Variants in UGT2B4 observed in about 807,000 individuals in gnomAD.
UGT2B4 encodes UDP glucuronosyltransferase family 2 member B4.
A neutral mutation model predicts 49.8 loss-of-function variants in UGT2B4; 49 were observed. The ratio of observed to expected loss-of-function variants is 0.98; its 90% CI spans 0.78 to 1.25. UGT2B4 has a LOEUF of 1.25. Ranked by LOEUF, UGT2B4 falls within the 50% of genes most tolerant of loss-of-function variation. UGT2B4 has a pLI of 0.00. For missense variants in UGT2B4, 729 were observed against 627.7 expected, an observed-to-expected ratio of 1.16 and a Z score of -1.73; for synonymous variants, 246 against 217.7, an observed-to-expected ratio of 1.13 and a Z score of -1.14.
intron 1 of UGT2B4, among the ~76,000 whole-genome samples, chr4:69,505,948 G>T (rs1412156248): frequency 2.0e-5 from 3 of 151,716 alleles, no homozygotes; most frequent in African/African-American, 7.2e-5. Flanking sequence ...CGACTTTTGG[G>T]CAAATAATGA....
intron 3 of UGT2B4, 95 bp downstream of exon 3, chr4:69,489,344 A>C: frequency 6.6e-7 from 1 of 1,517,414 alleles, no homozygotes; most frequent in Non-Finnish European, 9.0e-7. Flanking sequence ...CCAACAGCTG[A>C]ATATATAGGC....
chr4:69,523,356 C>T (rs1480816502), intron 1 of UGT2B4, among the ~76,000 whole-genome samples: 1 of 152,048 alleles, frequency 6.6e-6, no homozygotes, highest in Non-Finnish European at 1.5e-5. Flanking sequence ...ATACCTTGAT[C>T]CATGGGTTGC....
intron 2 of UGT2B4, among the ~76,000 whole-genome samples, chr4:69,490,527 C>T (rs1727952562): frequency 6.6e-6 from 1 of 152,100 alleles, no homozygotes; most frequent in Admixed American, 6.6e-5. Flanking sequence ...TGAAGATGTA[C>T]TTGGCTGGAA....
chr4:69,506,663 A>G (rs975433316), intron 1 of UGT2B4, among the ~76,000 whole-genome samples: 1 of 151,450 alleles, frequency 6.6e-6, no homozygotes, highest in Non-Finnish European at 1.5e-5. Flanking sequence ...ACCTGGTATT[A>G]TTTCTACTAA....
chr4:69,500,504 G>A (rs1458772825), upstream of UGT2B4, among the ~76,000 whole-genome samples: 1 of 100,566 alleles, frequency 9.9e-6, no homozygotes, highest in African/African-American at 3.2e-5. Context: ...AAGAAAGAAA[G>A]AAGGAAGGAA....
In UGT2B4 at chr4:69,480,700, G is replaced by A. The variant is rs1269306219; in HGVS notation, c.1521C>T (p.Ile507=). 1 of 1,613,982 alleles carries A rather than the reference G, an allele frequency of 6.2e-7. No homozygotes were observed. The highest frequency in any genetic ancestry group is 8.5e-7 in the Non-Finnish European group (1 of 1,179,976). Residue 507 remains isoleucine, a synonymous_variant, in exon 6 of 6, where the codon ATC becomes ATT. Transcript: ENST00000305107. ...AGACACAAAACAGACATTTTGTGAT[G>A]ATGAATATCACAGTTGCCACACAGG... ...LLACVATVIF[I]ITKCLFCVWK...
At chr4:69,482,018 A>G (rs919045373) in intron 5 of UGT2B4, among the ~76,000 whole-genome samples, 4 of 152,174 alleles carry the variant, frequency 2.6e-5, no homozygotes, top group Non-Finnish European at 5.9e-5. Context: ...ATTATCAGAC[A>G]CTGGCAAGCT....
At chr4:69,505,753 G>C (rs1254225432) in intron 1 of UGT2B4, among the ~76,000 whole-genome samples, 1 of 152,010 alleles carries the variant, frequency 6.6e-6, no homozygotes, top group Non-Finnish European at 1.5e-5. Context: ...CCAAACAGAA[G>C]AATATACATT....
At chr4:69,497,037 T>A (rs560281326), upstream of UGT2B4, among the ~76,000 whole-genome samples, 3 of 152,286 alleles carry the variant, frequency 2.0e-5, no homozygotes, top group South Asian at 4.1e-4. Flanking sequence ...TCCTAATAGT[T>A]TTTTGGCTAT....
upstream of UGT2B4, among the ~76,000 whole-genome samples, chr4:69,500,665 G>GAAA (rs1560438445): frequency 8.6e-6 from 1 of 116,728 alleles, no homozygotes; most frequent in East Asian, 2.1e-4. Flanking sequence ...AAGAAAGAAA[G>GAAA]AAAGGAAGGA....
rs533091744 is a variant in UGT2B4 at position 69,512,900 on chromosome 4, C to T, written c.-106+12787G>A. ...ATGTCTTCTTTTGAAAGTGTATGTT[C>T]GTGTTCTTTGCCCACTTATTGCTGG... On this transcript the variant is annotated intron_variant, in intron 1 of 1. Coordinates refer to the UGT2B4 transcript ENST00000510114. 2.6e-5 allele frequency among the ~76,000 whole-genome samples: 4 copies of T among 152,020 alleles called. No homozygotes were observed. In the South Asian group the frequency reaches 8.3e-4, roughly 32 times the overall value.
chr4:69,522,438 CTCAA>C (rs568044340), intron 1 of UGT2B4, among the ~76,000 whole-genome samples: 2 of 152,198 alleles, frequency 1.3e-5, no homozygotes, highest in Non-Finnish European at 2.9e-5. Flanking sequence ...TTGCAATAAA[CTCAA>C]TCACACAAAT....
At chr4:69,500,621 GAAAGAAAGAAA>G (rs1728287275), upstream of UGT2B4, among the ~76,000 whole-genome samples, 3 of 124,104 alleles carry the variant, frequency 2.4e-5, no homozygotes, top group Non-Finnish European at 5.6e-5. Flanking sequence ...AAGAAAGAAA[GAAAGAAAGAAA>G]GAAAGAAAGA....
intron 1 of UGT2B4, among the ~76,000 whole-genome samples, chr4:69,502,433 G>A (rs759026910): frequency 1.3e-5 from 2 of 151,622 alleles, no homozygotes; most frequent in Admixed American, 1.3e-4. Flanking sequence ...GTACCTCCCT[G>A]GTACAGAGCT....
intron 2 of UGT2B4, 146 bp from the exon 3 acceptor site, chr4:69,489,716 T>A (rs1184565409): frequency 1.7e-6 from 2 of 1,147,444 alleles, no homozygotes; most frequent in Non-Finnish European, 2.4e-6. Context: ...AATTACTCAG[T>A]TTTTTTTGCA....
intron 2 of UGT2B4, 135 bp from the exon 3 acceptor site, chr4:69,489,705 C>CA (rs1399938589): frequency 2.3e-6 from 3 of 1,300,748 alleles, no homozygotes; most frequent in Middle Eastern, 2.3e-4. Context: ...TTAACTGACT[C>CA]AATTACTCAG....
intron 3 of UGT2B4, among the ~76,000 whole-genome samples, chr4:69,487,787 T>A (rs1007131403): frequency 3.3e-5 from 5 of 152,114 alleles, no homozygotes; most frequent in African/African-American, 9.6e-5. Flanking sequence ...AAAATTTTAA[T>A]AATTATATGC....
chr4:69,497,598 C>T (rs187452080), upstream of UGT2B4, among the ~76,000 whole-genome samples: 2 of 152,194 alleles, frequency 1.3e-5, no homozygotes, highest in East Asian at 1.9e-4. Context: ...AACTTGAAGA[C>T]GTAAGTAAAC....
At chr4:69,480,933 T>A (rs1220672692) in intron 5 of UGT2B4, 23 bp from the exon 6 acceptor site, 1 of 1,608,182 alleles carries the variant, frequency 6.2e-7, no homozygotes, top group Non-Finnish European at 8.5e-7. Flanking sequence ...CAGAAAAGTA[T>A]CAACATTGAA....
Sources: allele counts gnomAD v4.1 joint callset (sites outside exome capture counted in the v4.1 genomes callset), GRCh38; gene constraint gnomAD v4.1.1; transcripts MANE v1.5; gene names NCBI Gene and HGNC (gene_info 2026-07-23, HGNC 2026-07-21).